TENM2: variants seen among roughly 807,000 people sequenced by gnomAD.
TENM2 encodes the protein teneurin transmembrane protein 2.
TENM2 carries 52 observed loss-of-function variants against 245.2 expected under a neutral mutation model. The observed-to-expected ratio is 0.21, with a 90% CI of 0.17 to 0.27. The LOEUF is 0.27. Ranked by LOEUF, TENM2 falls within the 10% of genes least tolerant of loss-of-function variation. The probability of loss-of-function intolerance (pLI) is 1.00; values close to 1 mark genes in which losing one functional copy is unlikely to be tolerated. For missense variants in TENM2, 3,046 were observed against 3,666.8 expected, an observed-to-expected ratio of 0.83 and a Z score of 4.37; for synonymous variants, 1,363 against 1,438.9, an observed-to-expected ratio of 0.95 and a Z score of 1.19.
At chr5:167,601,860 G>A (rs1172034322) in intron 2 of TENM2, among the ~76,000 whole-genome samples, 1 of 151,976 alleles carries the variant, frequency 6.6e-6, no homozygotes, top group African/African-American at 2.4e-5. Context: ...TCATTCCACT[G>A]CAACCAATTT....
At chr5:167,807,350 G>T (rs891848504) in intron 2 of TENM2, among the ~76,000 whole-genome samples, 3 of 151,868 alleles carry the variant, frequency 2.0e-5, no homozygotes, top group Non-Finnish European at 4.4e-5. Context: ...ACACAGAGAT[G>T]AACATGCTAA....
chr5:167,496,709 G>A (rs1008804773), intron 2 of TENM2, among the ~76,000 whole-genome samples: 1 of 152,116 alleles, frequency 6.6e-6, no homozygotes, highest in Non-Finnish European at 1.5e-5. Context: ...TGTTAGCACA[G>A]ACCCTCCATT....
At chr5:168,261,170 C>T (rs952698628) in intron 28 of TENM2, among the ~76,000 whole-genome samples, 1 of 152,210 alleles carries the variant, frequency 6.6e-6, no homozygotes, top group African/African-American at 2.4e-5. Flanking sequence ...TATCTAAGTG[C>T]CGTTACCTCC....
intron 1 of TENM2, among the ~76,000 whole-genome samples, chr5:167,320,965 C>T (rs1756680028): frequency 6.6e-6 from 1 of 151,730 alleles, no homozygotes; most frequent in Non-Finnish European, 1.5e-5. Context: ...ACACTAAAAT[C>T]TAGAACATAC....
intron 2 of TENM2, among the ~76,000 whole-genome samples, chr5:167,426,864 T>G (rs1309105174): frequency 3.3e-5 from 5 of 152,148 alleles, no homozygotes; most frequent in Non-Finnish European, 7.4e-5. Flanking sequence ...AATACTAAAT[T>G]GATCATCTCA....
chr5:167,136,489 G>C, the TENM2 span, among the ~76,000 whole-genome samples: 4 of 152,200 alleles, frequency 2.6e-5, no homozygotes, highest in Non-Finnish European at 5.9e-5. Context: ...CAAAGCTGTA[G>C]ACCTGTCAAT....
chr5:167,278,857 T>C, the TENM2 span, among the ~76,000 whole-genome samples: 3 of 152,216 alleles, frequency 2.0e-5, no homozygotes, highest in African/African-American at 7.2e-5. Flanking sequence ...TTTGCTCATA[T>C]TTTTGCTTTC....
intron 2 of TENM2, among the ~76,000 whole-genome samples, chr5:167,467,525 A>AAAC (rs1301133941): frequency 9.2e-5 from 14 of 151,940 alleles, no homozygotes; most frequent in African/African-American, 3.4e-4. Flanking sequence ...AGAAAAAAAA[A>AAAC]AAAAAACAGT....
intron 5 of TENM2, among the ~76,000 whole-genome samples, chr5:168,020,171 C>A (rs1786017426): frequency 6.6e-6 from 1 of 152,094 alleles, no homozygotes; most frequent in South Asian, 2.1e-4. Flanking sequence ...TTCATTTAGA[C>A]CTCCCCCGAC....
At chr5:167,718,466 G>A (rs998598777) in intron 2 of TENM2, among the ~76,000 whole-genome samples, 13 of 152,164 alleles carry the variant, frequency 8.5e-5, no homozygotes, top group Non-Finnish European at 1.5e-4. Context: ...GACAATGTAC[G>A]TGAAAGCAGT....
chr5:167,031,986 C>T, the TENM2 span, among the ~76,000 whole-genome samples: 9 of 152,078 alleles, frequency 5.9e-5, no homozygotes, highest in African/African-American at 1.7e-4. Context: ...TCATGTTTTG[C>T]CATAGTTAGA....
At chr5:168,153,162 G>A (rs1339880347) in intron 12 of TENM2, among the ~76,000 whole-genome samples, 1 of 152,136 alleles carries the variant, frequency 6.6e-6, no homozygotes, top group African/African-American at 2.4e-5. Context: ...CAGGAAGATG[G>A]ACATTGAACC....
the TENM2 span, among the ~76,000 whole-genome samples, chr5:167,112,703 AT>A: frequency 6.6e-6 from 1 of 152,232 alleles, no homozygotes; most frequent in Non-Finnish European, 1.5e-5. Context: ...ATTATAATTA[AT>A]TCTTTAATAT....
intron 13 of TENM2, among the ~76,000 whole-genome samples, chr5:168,164,151 A>T (rs1348010927): frequency 2.0e-5 from 3 of 152,116 alleles, no homozygotes; most frequent in Non-Finnish European, 4.4e-5. Context: ...ATTTAACCTA[A>T]CCATTCATTC....
chr5:168,253,130 C>T (rs909745181), intron 27 of TENM2, among the ~76,000 whole-genome samples: 7 of 151,912 alleles, frequency 4.6e-5, no homozygotes, highest in Non-Finnish European at 7.4e-5. Flanking sequence ...CCACGCCCAG[C>T]TAATTTTTTT....
chr5:167,732,058 C>G (rs1392810619), intron 2 of TENM2, among the ~76,000 whole-genome samples: 1 of 152,140 alleles, frequency 6.6e-6, no homozygotes, highest in Admixed American at 6.6e-5. Context: ...TGATACTGAT[C>G]TTGTGACAAC....
chr5:167,757,131 G>A (rs1762361560), intron 2 of TENM2, among the ~76,000 whole-genome samples: 1 of 150,934 alleles, frequency 6.6e-6, no homozygotes, highest in Non-Finnish European at 1.5e-5. Flanking sequence ...TGGGGTGCAT[G>A]TGCAGAATGT....
At chr5:167,272,055 G>A in the TENM2 span, among the ~76,000 whole-genome samples, 1 of 152,082 alleles carries the variant, frequency 6.6e-6, no homozygotes, top group African/African-American at 2.4e-5. Context: ...GTGTCTAAGA[G>A]GAGACTGGAA....
At chr5:168,216,849 C>T in exon 22 of TENM2, 1 of 1,614,010 alleles carries the variant, frequency 6.2e-7, no homozygotes. Flanking sequence ...GGAATCATCT[C>T]CACCCTGCTG....
Sources: gnomAD v4.1 joint callset for allele counts (sites outside exome capture counted in the v4.1 genomes callset) on GRCh38, gnomAD v4.1.1 for gene constraint, MANE v1.5 for transcripts, NCBI Gene and HGNC (gene_info 2026-07-23, HGNC 2026-07-21) for gene names.